Variants in LRRC9 observed in about 807,000 individuals in gnomAD.
LRRC9 encodes leucine rich repeat containing 9, also known as leucine-rich repeat-containing protein 9.
Under a neutral mutation model 63.2 loss-of-function variants are expected in LRRC9, and 122 were observed. That is an observed-to-expected ratio of 1.93 (90% CI 1.67 to 2.24). The LOEUF (loss-of-function observed/expected upper bound fraction) is 2.24, where lower values mean the gene tolerates loss of function less well. LRRC9 is among the 30% of genes most tolerant of loss of function. LRRC9 has a pLI of 0.00. For missense variants in LRRC9, 1,071 were observed against 627.7 expected (o/e 1.71, Z -7.55); for synonymous variants, 366 against 213.1 (o/e 1.72, Z -6.25).
intron 17 of LRRC9, among the ~76,000 whole-genome samples, chr14:59,994,717 T>A (rs1337423871): frequency 6.6e-6 from 1 of 152,148 alleles, no homozygotes; most frequent in East Asian, 1.9e-4. Flanking sequence ...TGTAGGGACA[T>A]GGATGAAGCT....
intron 8 of LRRC9, among the ~76,000 whole-genome samples, chr14:59,945,859 C>T (rs989166359): frequency 6.6e-6 from 1 of 151,800 alleles, no homozygotes; most frequent in African/African-American, 2.4e-5. Flanking sequence ...TGATGATTAA[C>T]TTCCAAATGT....
intron 29 of LRRC9, among the ~76,000 whole-genome samples, chr14:60,048,667 A>C (rs1015211789): frequency 1.3e-5 from 2 of 152,198 alleles, no homozygotes; most frequent in Non-Finnish European, 2.9e-5. Flanking sequence ...CAACCAAAAA[A>C]AAGCCCAGGA....
At chr14:60,041,600 T>C (rs1007523890) in intron 29 of LRRC9, among the ~76,000 whole-genome samples, 3 of 152,224 alleles carry the variant, frequency 2.0e-5, no homozygotes, top group South Asian at 2.1e-4. Context: ...CATCAGGTCA[T>C]TTAAGGACTT....
chr14:59,961,445 G>C (rs1170307247), intron 10 of LRRC9, among the ~76,000 whole-genome samples: 1 of 152,186 alleles, frequency 6.6e-6, no homozygotes, highest in East Asian at 1.9e-4. Context: ...AACTGGAAGA[G>C]AGCAGGAATG....
In LRRC9 at chr14:59,990,230, ATCT is replaced by A. The variant is rs1353405258; in HGVS notation, c.2211+5011_2211+5013del. On this transcript the variant is annotated intron_variant, in intron 17 of 31. Transcript: ENST00000445360. This position sits in a 1 kb window ranked among gnomAD's most constrained non-coding sequence, Gnocchi z 4.2. ...GCATGAGCCGCTGTGCCCAGCCTAG[ATCT>A]TCTTTTTTATTCACCTCTCGTGTCC... is the stretch of plus-strand genomic sequence containing the variant. Among the ~76,000 whole-genome samples the A allele has an allele frequency of 2.0e-5, 3 of 151,954 alleles. No homozygotes were observed. Among genetic ancestry groups the A allele is most frequent in the Admixed American group, 2.0e-4 (3 of 15,246 alleles).
At chr14:59,925,505 C>A (rs952110694) in intron 1 of LRRC9, among the ~76,000 whole-genome samples, 2 of 152,178 alleles carry the variant, frequency 1.3e-5, no homozygotes, top group Non-Finnish European at 2.9e-5. Context: ...GGGAGGAGCC[C>A]TCATAACCAA....
exon 23 of LRRC9, chr14:60,008,119 A>G: frequency 1.4e-6 from 1 of 700,596 alleles, no homozygotes; most frequent in Non-Finnish European, 2.6e-6. Flanking sequence ...CATTCTAGAC[A>G]TGTGTGGGAA....
intron 7 of LRRC9, among the ~76,000 whole-genome samples, chr14:59,943,470 G>GA (rs200962584): frequency 0.077 from 11,585 of 150,128 alleles, 610 homozygotes; most frequent in Non-Finnish European, 0.12. Context: ...AAATAGGCAA[G>GA]AAAAAAAAAC....
chr14:59,955,940 G>A (rs1883699137), intron 8 of LRRC9, among the ~76,000 whole-genome samples: 1 of 152,016 alleles, frequency 6.6e-6, no homozygotes, highest in African/African-American at 2.4e-5. Context: ...CCATATTTTT[G>A]TGTGGGTTTT....
chr14:60,011,648 T>C (rs919646394), intron 23 of LRRC9, among the ~76,000 whole-genome samples: 2 of 152,184 alleles, frequency 1.3e-5, no homozygotes, highest in South Asian at 2.1e-4. Flanking sequence ...AGAATATAAA[T>C]GTATGAATTA....
At chr14:60,049,501 C>A (rs1893716476) in intron 29 of LRRC9, among the ~76,000 whole-genome samples, 1 of 152,184 alleles carries the variant, frequency 6.6e-6, no homozygotes, top group Non-Finnish European at 1.5e-5. Flanking sequence ...TCTCATTTCT[C>A]CTTCACTTGT....
intron 27 of LRRC9, among the ~76,000 whole-genome samples, chr14:60,026,389 C>T (rs529724871): frequency 6.6e-6 from 1 of 151,908 alleles, no homozygotes; most frequent in African/African-American, 2.4e-5. Context: ...ACCTGTTGAC[C>T]ATTTGTATTT....
intron 17 of LRRC9, among the ~76,000 whole-genome samples, chr14:59,988,479 C>T (rs370103573): frequency 9.9e-5 from 15 of 152,184 alleles, no homozygotes; most frequent in African/African-American, 3.6e-4. Flanking sequence ...TTTTCTCATA[C>T]CAAGAATCCT....
chr14:60,037,652 G>T (rs1892562938), intron 29 of LRRC9, among the ~76,000 whole-genome samples: 1 of 152,170 alleles, frequency 6.6e-6, no homozygotes, highest in South Asian at 2.1e-4. Context: ...GTTCTTTGTA[G>T]ATTCTGGATA....
rs1894618896 is a variant in LRRC9 at position 60,060,895 on chromosome 14, G to A, written c.4277-2428G>A. Among the ~76,000 whole-genome samples, 1 of 152,144 alleles carries A rather than the reference G, an allele frequency of 6.6e-6. No individual in the cohort carries two copies. The highest frequency in any genetic ancestry group is 2.1e-4 in the South Asian group (1 of 4,830). On this transcript the variant is annotated intron_variant, in intron 31 of 31. Coordinates refer to ENST00000445360, the Ensembl canonical transcript of LRRC9. This position sits in a 1 kb window ranked among gnomAD's most constrained non-coding sequence, Gnocchi z 4.0. ...AAATAGCAACCCTAATGGGAGTTTG[G>A]ATGACTTTGAGGGGTTCAGGACTTC...
At chr14:59,961,532 A>G (rs1252608533) in intron 10 of LRRC9, among the ~76,000 whole-genome samples, 3 of 152,202 alleles carry the variant, frequency 2.0e-5, no homozygotes, top group Non-Finnish European at 4.4e-5. Flanking sequence ...GTCTGTGGTC[A>G]GAGTGGAACC....
exon 24 of LRRC9, chr14:60,016,776 T>C: frequency 1.4e-6 from 1 of 695,668 alleles, no homozygotes; most frequent in Non-Finnish European, 2.6e-6. Flanking sequence ...TAAATTGGAC[T>C]TCATCATCTA....
Position 59,978,146 on chromosome 14 carries a change from C to A in LRRC9, c.1878+14C>A, listed in dbSNP as rs1357074981. On this transcript the variant is annotated intron_variant, in intron 15 of 31. Transcript: ENST00000445360. ...TATATTACAATGGTATGAATTGTTA[C>A]ATATTCTTAAAGACTAATTCTAATT... 1.4e-6 allele frequency: 1 copy of A among 700,260 alleles called. No homozygotes were observed. Among genetic ancestry groups the A allele is most frequent in the Non-Finnish European group, 2.6e-6 (1 of 383,652 alleles). 43.4% of individuals were successfully genotyped at this position (700,260 alleles called of 1,614,324 possible). A position where few individuals can be genotyped will look rare whatever the true frequency, so the allele number is the denominator to read the frequency against.
At chr14:60,055,747 C>A (rs160241) in intron 30 of LRRC9, among the ~76,000 whole-genome samples, 103,160 of 140,750 alleles carry the variant, frequency 0.73, 39,943 homozygotes, top group Non-Finnish European at 0.86. Context: ...AAAAAAAAAA[C>A]AAAAAAAACT....
Sources: gnomAD v4.1 joint callset for allele counts (sites outside exome capture counted in the v4.1 genomes callset) on GRCh38, gnomAD v4.1.1 for gene constraint, Gnocchi (gnomAD v3.1) non-coding constraint, MANE v1.5 for transcripts, NCBI Gene and HGNC (gene_info 2026-07-23, HGNC 2026-07-21) for gene names.